The following MAP2K1 variants were observed in gnomAD, a reference collection of about 807,000 sequenced individuals.
MAP2K1 encodes dual specificity mitogen-activated protein kinase kinase 1.
A neutral mutation model predicts 46.3 loss-of-function variants in MAP2K1; 16 were observed. The ratio of observed to expected loss-of-function variants is 0.35; its 90% CI spans 0.23 to 0.52. The LOEUF is 0.52. Among genes scored for constraint, MAP2K1 ranks in the 20% least tolerant of loss-of-function variants. The probability of loss-of-function intolerance (pLI) is 0.94; values close to 1 mark genes in which losing one functional copy is unlikely to be tolerated. For missense variants in MAP2K1, 263 were observed against 497.1 expected, an observed-to-expected ratio of 0.53 and a Z score of 4.48; for synonymous variants, 183 against 185.6, an observed-to-expected ratio of 0.99 and a Z score of 0.11.
chr15:66,449,303 T>C (rs964875982), intron 5 of MAP2K1, among the ~76,000 whole-genome samples: 3 of 152,158 alleles, frequency 2.0e-5, no homozygotes, highest in Non-Finnish European at 4.4e-5. Context: ...ATAAAACTAT[T>C]GATACATATA....
intron 5 of MAP2K1, among the ~76,000 whole-genome samples, chr15:66,475,006 T>C (rs1166217047): frequency 1.3e-5 from 2 of 152,052 alleles, no homozygotes; most frequent in Non-Finnish European, 2.9e-5. Context: ...CGCCTGCACC[T>C]CTCATTCTCC....
chr15:66,391,277 T>A (rs745374502), intron 1 of MAP2K1, among the ~76,000 whole-genome samples: 2 of 152,224 alleles, frequency 1.3e-5, no homozygotes, highest in Non-Finnish European at 2.9e-5. Context: ...CACTATAAAC[T>A]TTAAGCACAG....
chr15:66,468,390 G>A (rs1567020475), intron 5 of MAP2K1, among the ~76,000 whole-genome samples: 1 of 152,130 alleles, frequency 6.6e-6, no homozygotes, highest in Admixed American at 6.5e-5. Context: ...ACTCTTTGGT[G>A]AAAAATCAGA....
chr15:66,479,101 T>G (rs1185398320), intron 5 of MAP2K1, among the ~76,000 whole-genome samples: 1 of 151,988 alleles, frequency 6.6e-6, no homozygotes, highest in Admixed American at 6.5e-5. Context: ...AGCCTTCTTT[T>G]TTTTTTTTTG....
intron 5 of MAP2K1, among the ~76,000 whole-genome samples, chr15:66,470,138 A>G (rs1434466698): frequency 5.5e-5 from 6 of 110,064 alleles, no homozygotes; most frequent in Admixed American, 2.7e-4. Context: ...TAGCCACTTC[A>G]GAGGCCTCGT....
chr15:66,444,168 G>T (rs569958339), intron 4 of MAP2K1, among the ~76,000 whole-genome samples: 2 of 151,580 alleles, frequency 1.3e-5, no homozygotes, highest in East Asian at 3.9e-4. Context: ...AACCCGGGAG[G>T]GGGTGGTTGT....
intron 1 of MAP2K1, among the ~76,000 whole-genome samples, chr15:66,398,357 G>A (rs535769051): frequency 6.6e-6 from 1 of 152,310 alleles, no homozygotes; most frequent in African/African-American, 2.4e-5. Flanking sequence ...CGAGATTGCA[G>A]TGAGCGGTAA....
chr15:66,426,116 G>A (rs1326961974), intron 1 of MAP2K1, among the ~76,000 whole-genome samples: 1 of 149,982 alleles, frequency 6.7e-6, no homozygotes, highest in East Asian at 2.0e-4. Context: ...TTTTAGACGG[G>A]GCCTGGGAAT....
At chr15:66,405,833 A>G (rs2093395222) in intron 1 of MAP2K1, among the ~76,000 whole-genome samples, 1 of 152,244 alleles carries the variant, frequency 6.6e-6, no homozygotes, top group African/African-American at 2.4e-5. Context: ...TGTATGAAAT[A>G]GCACTTGGAT....
At chr15:66,421,093 TACACACACACAC>T (rs71454561) in intron 1 of MAP2K1, among the ~76,000 whole-genome samples, 58 of 128,846 alleles carry the variant, frequency 4.5e-4, no homozygotes, top group African/African-American at 1.1e-3. Context: ...TACACACACA[TACACACACACAC>T]ACACACACAC....
intron 5 of MAP2K1, among the ~76,000 whole-genome samples, chr15:66,446,259 T>C (rs867119223): frequency 6.6e-6 from 1 of 151,644 alleles, no homozygotes; most frequent in South Asian, 2.1e-4. Context: ...GCTAACACGA[T>C]GAAACCCTAT....
chr15:66,444,108 C>G (rs1259941330), intron 4 of MAP2K1, among the ~76,000 whole-genome samples: 1 of 151,320 alleles, frequency 6.6e-6, no homozygotes, highest in East Asian at 1.9e-4. Context: ...GGTGTTGGTG[C>G]ATGCCTGTAA....
intron 5 of MAP2K1, among the ~76,000 whole-genome samples, chr15:66,478,417 C>CACACAGGTATATATATAT (rs1892820657): frequency 9.0e-6 from 1 of 111,480 alleles, no homozygotes; most frequent in Non-Finnish European, 1.9e-5. Flanking sequence ...TATATATACA[C>CACACAGGTATATATATAT]ACAGGTATAT....
At chr15:66,415,095 G>T (rs931367073) in intron 1 of MAP2K1, 1 of 515,586 alleles carries the variant, frequency 1.9e-6, no homozygotes, top group Non-Finnish European at 3.9e-6. Context: ...AAAATGCTCC[G>T]GTAGTGCCAC....
intron 1 of MAP2K1, among the ~76,000 whole-genome samples, chr15:66,405,171 A>G (rs1566997536): frequency 6.6e-6 from 1 of 152,246 alleles, no homozygotes; most frequent in Non-Finnish European, 1.5e-5. Flanking sequence ...ATAAGGTTGC[A>G]CAACTAGTAG....
chr15:66,447,632 A>C (rs949206325), intron 5 of MAP2K1, among the ~76,000 whole-genome samples: 1 of 150,810 alleles, frequency 6.6e-6, no homozygotes, highest in Non-Finnish European at 1.5e-5. Flanking sequence ...CGGAGGTTGC[A>C]GTAAGCTGAG....
At chr15:66,463,270 G>C (rs906676685) in intron 5 of MAP2K1, among the ~76,000 whole-genome samples, 1 of 152,182 alleles carries the variant, frequency 6.6e-6, no homozygotes, top group African/African-American at 2.4e-5. Context: ...AAGATATCTC[G>C]ATTGAACAGT....
At chr15:66,399,689 C>T (rs553140257) in intron 1 of MAP2K1, among the ~76,000 whole-genome samples, 3 of 152,324 alleles carry the variant, frequency 2.0e-5, no homozygotes, top group East Asian at 3.9e-4. Flanking sequence ...CTCCACCTCC[C>T]GGGTTCAAGT....
chr15:66,485,113 CTGA>C lies in MAP2K1; in HGVS notation c.820_822del (p.Met274del). ...TCCTCCAGATGCCAAGGAGCTGGAG[CTGA>C]TGTTTGGGTGCCAGGTGGAAGGAGA... On this transcript the variant is annotated inframe_deletion, in exon 7 of 11. Coordinates refer to ENST00000307102, the MANE Select transcript of MAP2K1 (RefSeq NM_002755.4). 6.2e-7 allele frequency: 1 copy of C among 1,614,034 alleles called. No homozygotes were observed. Among genetic ancestry groups the C allele is most frequent in the Non-Finnish European group, 8.5e-7 (1 of 1,180,028 alleles).
Sources: gnomAD v4.1 joint callset for allele counts (sites outside exome capture counted in the v4.1 genomes callset) on GRCh38, gnomAD v4.1.1 for gene constraint, MANE v1.5 for transcripts, NCBI Gene and HGNC (gene_info 2026-07-23, HGNC 2026-07-21) for gene names.